The following ARF1 variants were observed in gnomAD, a reference collection of about 807,000 sequenced individuals.
The protein encoded by ARF1 is ADP-ribosylation factor 1.
Under a neutral mutation model 18.0 loss-of-function variants are expected in ARF1, and 1 was observed. That is an observed-to-expected ratio of 0.06 (90% CI 0.02 to 0.26). The LOEUF (loss-of-function observed/expected upper bound fraction) is 0.26, where lower values mean the gene tolerates loss of function less well. Ranked by LOEUF, ARF1 falls within the 10% of genes least tolerant of loss-of-function variation. The pLI is 1.00. For synonymous variants in ARF1, 112 were observed against 96.3 expected (o/e 1.16, Z -0.95); for missense variants, 73 against 247.2 (o/e 0.30, Z 4.73).
At position 228,093,689 on chromosome 1, in the gene ARF1, G is replaced by A. The variant is rs6694537; in HGVS notation, c.-37-3389G>A. Among the ~76,000 whole-genome samples the A allele has an allele frequency of 5.1e-3, 771 of 151,520 alleles. 5 individuals carry two copies. Among genetic ancestry groups the A allele is most frequent in the African/African-American group, 0.017 (714 of 41,322 alleles). ...TGTAATCCCAGCACTTTGGGAGGCCGAGGTGGGCTGATCATCTGAGGTCAG... is the reference window on the plus strand; with the variant it reads ...TGTAATCCCAGCACTTTGGGAGGCCAAGGTGGGCTGATCATCTGAGGTCAG... On this transcript the variant is annotated intron_variant, in intron 1 of 4. Transcript: ENST00000272102.
At chr1:228,083,015 T>C (rs902491108) in intron 1 of ARF1, 1 of 152,196 alleles carries the variant, frequency 6.6e-6, no homozygotes, top group Non-Finnish European at 1.5e-5. Flanking sequence ...CCGAAGTCGC[T>C]CGCGGCCGCT....
intron 1 of ARF1, among the ~76,000 whole-genome samples, chr1:228,085,493 G>C (rs1033419537): frequency 6.6e-6 from 1 of 152,232 alleles, no homozygotes; most frequent in African/African-American, 2.4e-5. Flanking sequence ...GCCACCTACA[G>C]GGATGGGGAG....
chr1:228,085,126 A>G (rs1281049729), intron 1 of ARF1, among the ~76,000 whole-genome samples: 1 of 152,258 alleles, frequency 6.6e-6, no homozygotes, highest in Non-Finnish European at 1.5e-5. Context: ...GGGATCTTAA[A>G]TTATGAGAAC....
At position 228,098,243 on chromosome 1, in the gene ARF1, GCTTT is replaced by G. The variant is rs947972332; in HGVS notation, c.*231_*234del. The G allele has an allele frequency of 4.4e-6, 2 of 451,458 alleles. No homozygotes were observed. The highest frequency in any genetic ancestry group is 4.0e-5 in the African/African-American group (2 of 49,600). 28.0% of individuals were successfully genotyped at this position (451,458 alleles called of 1,614,324 possible). On this transcript the variant is annotated 3_prime_UTR_variant, in exon 5 of 5. Coordinates refer to ENST00000272102, the MANE Select transcript of ARF1 (RefSeq NM_001658.4). The stretch of plus-strand genomic sequence containing the variant: ...TGGTACTCCTATGCAATATTACTCA[GCTTT>G]TTTTATTGTAAAAAGAAAAATCAAC...
Position 228,097,881 on chromosome 1 carries a change from G to C in ARF1, c.414G>C (p.Glu138Asp). The C allele has an allele frequency of 6.2e-7, 1 of 1,614,140 alleles. No homozygotes were observed. The highest frequency in any genetic ancestry group is 8.5e-7 in the Non-Finnish European group (1 of 1,180,004). ...TCCCCAACGCCATGAATGCGGCCGA[G>C]ATCACAGACAAGCTGGGGCTGCACT... ...QDLPNAMNAAEITDKLGLHSL... is the reference protein window; with the variant it reads ...QDLPNAMNAADITDKLGLHSL... Residue 138 changes from glutamate to aspartate, a missense_variant, in exon 5 of 5, where the codon GAG becomes GAC. By Grantham distance (45) the Glu-to-Asp change is conservative (BLOSUM62 2). Coordinates refer to ENST00000272102, the MANE Select transcript of ARF1 (RefSeq NM_001658.4). The surrounding 1 kb of genome is among the most constrained non-coding windows in gnomAD (Gnocchi z 8.1).
intron 1 of ARF1, among the ~76,000 whole-genome samples, chr1:228,086,750 T>G (rs1260726594): frequency 6.6e-6 from 1 of 152,132 alleles, no homozygotes; most frequent in Non-Finnish European, 1.5e-5. Context: ...CCAGTAACCT[T>G]TAGTGTTTTT....
At chr1:228,083,210 C>T (rs2032277392) in intron 1 of ARF1, 1 of 152,182 alleles carries the variant, frequency 6.6e-6, no homozygotes, top group South Asian at 2.1e-4. Flanking sequence ...GTGGGGCCTC[C>T]CCCACCCGAG....
chr1:228,084,391 T>C (rs1246462585), intron 1 of ARF1, among the ~76,000 whole-genome samples: 3 of 152,250 alleles, frequency 2.0e-5, no homozygotes, highest in Non-Finnish European at 1.5e-5. Context: ...GCGTATCTTG[T>C]TGAAAATAAA....
intron 1 of ARF1, among the ~76,000 whole-genome samples, chr1:228,086,342 C>T (rs762231433): frequency 7.9e-5 from 12 of 151,628 alleles, no homozygotes; most frequent in Non-Finnish European, 1.5e-4. Flanking sequence ...GGTGATACCC[C>T]GACTCTACTA....
chr1:228,098,116 G>A lies in ARF1; in HGVS notation c.*103G>A. 1 of 1,416,864 alleles carries A rather than the reference G, an allele frequency of 7.1e-7. No homozygotes were observed. Among genetic ancestry groups the A allele is most frequent in the Non-Finnish European group, 9.6e-7 (1 of 1,045,232 alleles). The allele number at this position is 1,416,864 out of a possible 1,614,324, so 87.8% of individuals were successfully genotyped here. A position where few individuals can be genotyped will look rare whatever the true frequency, so the allele number is the denominator to read the frequency against. ...TGCCAGAAGCTGCCTCCGTGGTTTG[G>A]TCACCGTGTGCATCGCACCGTGCTG... On this transcript the variant is annotated 3_prime_UTR_variant, in exon 5 of 5. Coordinates refer to ENST00000272102, the MANE Select transcript of ARF1 (RefSeq NM_001658.4).
chr1:228,084,601 C>T (rs1396316735), intron 1 of ARF1, among the ~76,000 whole-genome samples: 1 of 152,210 alleles, frequency 6.6e-6, no homozygotes, highest in Non-Finnish European at 1.5e-5. Flanking sequence ...GGCTGTACCT[C>T]TTGCACAATA....
intron 1 of ARF1, among the ~76,000 whole-genome samples, chr1:228,096,068 A>C (rs2032736144): frequency 6.6e-6 from 1 of 152,246 alleles, no homozygotes; most frequent in African/African-American, 2.4e-5. Flanking sequence ...TGAAACACAC[A>C]GGCATGTGTG....
At chr1:228,096,428 T>A (rs908943613) in intron 1 of ARF1, 11 of 152,290 alleles carry the variant, frequency 7.2e-5, no homozygotes, top group Non-Finnish European at 1.2e-4. Flanking sequence ...GGCCAAAGCC[T>A]AACAACTTCA....
At chr1:228,093,955 C>CAA (rs869199671) in intron 1 of ARF1, among the ~76,000 whole-genome samples, 3,129 of 50,352 alleles carry the variant, frequency 0.062, 211 homozygotes, top group African/African-American at 0.17. Flanking sequence ...GACTCTGTCT[C>CAA]AAAAAAAAAA....
chr1:228,092,283 T>C (rs1407130761), intron 1 of ARF1, among the ~76,000 whole-genome samples: 1 of 152,112 alleles, frequency 6.6e-6, no homozygotes, highest in East Asian at 1.9e-4. Context: ...ACCCTGTCTA[T>C]AGAAAATATT....
At chr1:228,092,549 G>C (rs2032608095) in intron 1 of ARF1, among the ~76,000 whole-genome samples, 1 of 152,238 alleles carries the variant, frequency 6.6e-6, no homozygotes, top group Non-Finnish European at 1.5e-5. Flanking sequence ...CTTGGACCTG[G>C]AGCTTGTTTG....
In ARF1 at chr1:228,089,778, C is replaced by T. The variant is rs375543953; in HGVS notation, c.-38+7013C>T. 1.3e-5 allele frequency among the ~76,000 whole-genome samples: 2 copies of T among 151,960 alleles called. No individual in the cohort carries two copies. Among genetic ancestry groups the T allele is most frequent in the Non-Finnish European group, 2.9e-5 (2 of 68,002 alleles). ...TTTTTTCAAGTGGTGTAGAAAGGGG[C>T]CTTCAGGGCCCTGGATCCCCCAGCC... On this transcript the variant is annotated intron_variant, in intron 1 of 4. Coordinates refer to ENST00000272102, the MANE Select transcript of ARF1 (RefSeq NM_001658.4). This position sits in a 1 kb window ranked among gnomAD's most constrained non-coding sequence, Gnocchi z 4.1.
In ARF1 at chr1:228,097,521, G is replaced by C; in HGVS notation, c.259+69G>C. 3 of 1,613,840 alleles carry C rather than the reference G, an allele frequency of 1.9e-6. No homozygotes were observed. The highest frequency in any genetic ancestry group is 2.5e-6 in the Non-Finnish European group (3 of 1,179,904). Reference sequence around the variant, plus strand: ...AGAGGGGGGGCCAGCCCATAGATGGGGCATCGATGCCCATAGATGCGGCAG... The same window carrying C: ...AGAGGGGGGGCCAGCCCATAGATGGCGCATCGATGCCCATAGATGCGGCAG... On this transcript the variant is annotated intron_variant, in intron 3 of 4. Coordinates refer to ENST00000272102, the MANE Select transcript of ARF1 (RefSeq NM_001658.4). The surrounding 1 kb of genome is among the most constrained non-coding windows in gnomAD (Gnocchi z 8.1).
chr1:228,084,162 C>CATGG (rs2032317581), intron 1 of ARF1, among the ~76,000 whole-genome samples: 1 of 152,178 alleles, frequency 6.6e-6, no homozygotes, highest in Non-Finnish European at 1.5e-5. Context: ...CGTGTGACCG[C>CATGG]ATGGATGGTG....
Sources: allele counts gnomAD v4.1 joint callset (sites outside exome capture counted in the v4.1 genomes callset), GRCh38; gene constraint gnomAD v4.1.1; non-coding constraint Gnocchi (gnomAD v3.1); transcripts MANE v1.5; gene names NCBI Gene and HGNC (gene_info 2026-07-23, HGNC 2026-07-21).